ASXL2: variants seen among roughly 807,000 people sequenced by gnomAD.
ASXL2 encodes the protein ASXL transcriptional regulator 2, also known as putative Polycomb group protein ASXL2.
A neutral mutation model predicts 122.0 loss-of-function variants in ASXL2; 23 were observed. The ratio of observed to expected loss-of-function variants is 0.19; its 90% confidence interval spans 0.14 to 0.27. ASXL2 has a LOEUF of 0.27. Ranked by LOEUF, ASXL2 falls within the 10% of genes least tolerant of loss-of-function variation. The probability of loss-of-function intolerance (pLI) is 1.00; values close to 1 mark genes in which losing one functional copy is unlikely to be tolerated. For synonymous variants in ASXL2, 650 were observed against 637.0 expected, an observed-to-expected ratio of 1.02 and a Z score of -0.31; for missense variants, 1,518 against 1,713.8, an observed-to-expected ratio of 0.89 and a Z score of 2.02.
chr2:25,846,312 T>C (rs962036096), intron 1 of ASXL2, among the ~76,000 whole-genome samples: 17 of 152,146 alleles, frequency 1.1e-4, no homozygotes, highest in African/African-American at 4.1e-4. Context: ...CAGCAGTGGC[T>C]AACCTTGCAA....
chr2:25,842,122 A>G (rs2089589116), intron 2 of ASXL2, among the ~76,000 whole-genome samples: 1 of 151,400 alleles, frequency 6.6e-6, no homozygotes, highest in Non-Finnish European at 1.5e-5. Context: ...CAAAAAAAAA[A>G]GAAAAAAAAA....
intron 8 of ASXL2, 99 bp from the exon 9 acceptor site, chr2:25,759,744 G>T: frequency 8.1e-7 from 1 of 1,227,844 alleles, no homozygotes. Flanking sequence ...ACAATTGTAA[G>T]CATTTAAATA....
intron 3 of ASXL2, among the ~76,000 whole-genome samples, chr2:25,821,786 C>A (rs139772384): frequency 6.6e-6 from 1 of 152,320 alleles, no homozygotes; most frequent in Non-Finnish European, 1.5e-5. Flanking sequence ...TAAGAAGCAG[C>A]AAGAAAATGA....
In ASXL2 at chr2:25,743,829, T is replaced by G. The variant is rs375457358; in HGVS notation, c.2508A>C (p.Thr836=). ...SCRQEKAPSP[T]GPALISGASP... is the part of the protein sequence containing the mutation. ...AGGCACCTGAGATTAGAGCAGGACC[T>G]GTTGGAGAAGGTGCTTTCTCCTGTC... is the stretch of plus-strand genomic sequence containing the variant. Residue 836 remains threonine, a synonymous_variant, in exon 13 of 13, where the codon ACA becomes ACC. Transcript: ENST00000435504. The G allele has an allele frequency of 4.0e-4, 647 of 1,614,044 alleles. 11 individuals carry two copies. In the South Asian group the frequency reaches 6.8e-3, roughly 17 times the overall value.
chr2:25,767,648 T>G lies in ASXL2; in HGVS notation c.710A>C (p.Lys237Thr). Reference protein sequence around the residue: ...NSNSSFSSSVKVENTLLGLGK... With the variant: ...NSNSSFSSSVTVENTLLGLGK... The stretch of plus-strand genomic sequence containing the variant: ...CAAGCCTAGTAAAGTATTTTCCACT[T>G]TAACTGAGGAAGAAAAGCTGGAGTT... The change falls in exon 8 of 13, where the codon AAA becomes ACA. Residue 237 changes from lysine to threonine, a missense_variant. Physicochemically the swap from Lys to Thr is moderately conservative, Grantham distance 78. Coordinates refer to ENST00000435504, the MANE Select transcript of ASXL2 (RefSeq NM_018263.6). The G allele has an allele frequency of 6.2e-7, 1 of 1,613,998 alleles. No homozygotes were observed.
At position 25,743,360 on chromosome 2, in the gene ASXL2, G is replaced by A; in HGVS notation, c.2977C>T (p.Leu993Phe). ...TTTTCTGTTGTGTTGGTAGCTATGA[G>A]CGCTCCCATCCCCCTTTCCTCTTTT... is the stretch of plus-strand genomic sequence containing the variant. ...TAKEERGMGA[L>F]IATNTTENST... The change falls in exon 13 of 13, where the codon CTC (leucine) becomes TTC (phenylalanine). Residue 993 changes from leucine (L) to phenylalanine (F), a missense_variant. This residue lies in a region of ASXL2 where 831 missense variants were observed against 833.1 expected (regional missense o/e 1.00). Transcript: ENST00000435504. The A allele has an allele frequency of 1.9e-6, 3 of 1,613,892 alleles. No individual in the cohort carries two copies. Among genetic ancestry groups the A allele is most frequent in the Non-Finnish European group, 2.5e-6 (3 of 1,179,886 alleles).
At chr2:25,807,443 A>G (rs1186296181) in intron 3 of ASXL2, among the ~76,000 whole-genome samples, 1 of 152,224 alleles carries the variant, frequency 6.6e-6, no homozygotes, top group Admixed American at 6.5e-5. Flanking sequence ...ATAACAAAGG[A>G]AAGAAAAGCC....
chr2:25,745,040 T>C (rs1373864328), intron 12 of ASXL2, among the ~76,000 whole-genome samples: 1 of 151,864 alleles, frequency 6.6e-6, no homozygotes, highest in Non-Finnish European at 1.5e-5. Context: ...GAAGACAATG[T>C]GTGATCTATA....
intron 1 of ASXL2, among the ~76,000 whole-genome samples, chr2:25,852,153 T>C (rs2089723900): frequency 6.6e-6 from 1 of 152,196 alleles, no homozygotes; most frequent in Non-Finnish European, 1.5e-5. Flanking sequence ...GAACTGCTCA[T>C]GGAAACTTTA....
chr2:25,840,679 C>A (rs544801027), intron 2 of ASXL2, among the ~76,000 whole-genome samples: 110 of 152,312 alleles, frequency 7.2e-4, no homozygotes, highest in South Asian at 1.4e-3. Flanking sequence ...TTCATCCATA[C>A]TGTAGCATGT....
intron 8 of ASXL2, among the ~76,000 whole-genome samples, chr2:25,762,665 G>GAAAAAAAAAAAAAAAAAAAAAA (rs60065368): frequency 2.9e-5 from 1 of 34,264 alleles, no homozygotes; most frequent in Non-Finnish European, 4.8e-5. Context: ...ACTCTTTCTC[G>GAAAAAAAAAAAAAAAAAAAAAA]AAAAAAAAAA....
At chr2:25,846,243 C>A (rs1157812478) in intron 1 of ASXL2, among the ~76,000 whole-genome samples, 1 of 152,172 alleles carries the variant, frequency 6.6e-6, no homozygotes, top group East Asian at 1.9e-4. Context: ...GTTTTTCCCC[C>A]CTTTCCTTTT....
rs932112145 is a variant in ASXL2 at position 25,743,063 on chromosome 2, G to T, written c.3274C>A (p.His1092Asn). 3.1e-6 allele frequency: 5 copies of T among 1,613,900 alleles called. No homozygotes were observed. The highest frequency in any genetic ancestry group is 1.7e-5 in the Admixed American group (1 of 60,008). Reference sequence around the variant, plus strand: ...ATGTCTTCCAGCTGGAAACCTGAGTGAGCGAAGTTGAACTGTGAGGGCGGC... The same window carrying T: ...ATGTCTTCCAGCTGGAAACCTGAGTTAGCGAAGTTGAACTGTGAGGGCGGC... ...VVPPSQFNFA[H>N]SGFQLEDIST... Residue 1092 changes from histidine to asparagine, a missense_variant, in exon 13 of 13, where the codon CAC becomes AAC. By Grantham distance (68) the His-to-Asn change is moderately conservative. Transcript: ENST00000435504.
intron 8 of ASXL2, among the ~76,000 whole-genome samples, chr2:25,761,604 C>T (rs1006454345): frequency 8.5e-5 from 12 of 141,426 alleles, no homozygotes; most frequent in African/African-American, 3.2e-4. Flanking sequence ...ACCCGGGAGG[C>T]GGAGCTTGCA....
chr2:25,822,900 G>A (rs2089328866), intron 3 of ASXL2: 2 of 545,616 alleles, frequency 3.7e-6, no homozygotes, highest in African/African-American at 1.9e-5. Context: ...AGATGGAGCA[G>A]GTGATGATTC....
At chr2:25,845,946 G>A (rs2089642984) in intron 1 of ASXL2, among the ~76,000 whole-genome samples, 3 of 152,140 alleles carry the variant, frequency 2.0e-5, no homozygotes, top group Admixed American at 6.6e-5. Context: ...CTAAAAACCT[G>A]GACAGAATGC....
At chr2:25,781,273 C>A (rs529781573) in intron 5 of ASXL2, among the ~76,000 whole-genome samples, 1 of 152,212 alleles carries the variant, frequency 6.6e-6, no homozygotes, top group South Asian at 2.1e-4. Flanking sequence ...GTGGCTCACG[C>A]CTGTAATCCC....
chr2:25,805,046 AAAAG>A (rs574199155), intron 4 of ASXL2, among the ~76,000 whole-genome samples: 95 of 152,162 alleles, frequency 6.2e-4, no homozygotes, highest in African/African-American at 2.0e-3. Context: ...CGAGACTGTC[AAAAG>A]AAAGAAAGAA....
intron 1 of ASXL2, among the ~76,000 whole-genome samples, chr2:25,860,087 C>T (rs533832868): frequency 8.6e-5 from 13 of 152,020 alleles, no homozygotes; most frequent in Non-Finnish European, 1.6e-4. Flanking sequence ...TTTGGGAGGC[C>T]GAGGCGGCCG....
Sources: allele counts gnomAD v4.1 joint callset (sites outside exome capture counted in the v4.1 genomes callset), GRCh38; gene constraint gnomAD v4.1.1; regional missense constraint gnomAD v4.1.1; transcripts MANE v1.5; gene names NCBI Gene and HGNC (gene_info 2026-07-23, HGNC 2026-07-21).